Variants in JAZF1 observed in about 807,000 individuals in gnomAD.
JAZF1 encodes juxtaposed with another zinc finger protein 1.
Under a neutral mutation model 26.4 loss-of-function variants are expected in JAZF1, and 8 were observed. The ratio of observed to expected loss-of-function variants is 0.30; its 90% CI spans 0.18 to 0.55. The LOEUF is 0.55. JAZF1 is among the 20% of genes least tolerant of loss of function. The pLI is 0.94. For synonymous variants in JAZF1, 126 were observed against 122.3 expected, an observed-to-expected ratio of 1.03 and a Z score of -0.20; for missense variants, 199 against 322.0, an observed-to-expected ratio of 0.62 and a Z score of 2.92.
At chr7:27,945,046 C>T (rs1035495613) in intron 2 of JAZF1, among the ~76,000 whole-genome samples, 1 of 152,030 alleles carries the variant, frequency 6.6e-6, no homozygotes, top group Non-Finnish European at 1.5e-5. Flanking sequence ...TCACAAGACC[C>T]ACAGGAAAAC....
intron 1 of JAZF1, among the ~76,000 whole-genome samples, chr7:28,113,245 T>G (rs937041022): frequency 6.6e-6 from 1 of 152,206 alleles, no homozygotes; most frequent in Non-Finnish European, 1.5e-5. Context: ...GAGATGGAAA[T>G]GATCGCCAGC....
At chr7:27,985,410 T>A (rs1002681654) in intron 2 of JAZF1, among the ~76,000 whole-genome samples, 1 of 152,206 alleles carries the variant, frequency 6.6e-6, no homozygotes, top group African/African-American at 2.4e-5. Context: ...CAGGAAGAAG[T>A]TGAATCTGTG....
chr7:28,127,963 G>C (rs1352943500), intron 1 of JAZF1, among the ~76,000 whole-genome samples: 1 of 151,994 alleles, frequency 6.6e-6, no homozygotes, highest in African/African-American at 2.4e-5. Context: ...CAACACATGG[G>C]GATTATGGGA....
At chr7:28,113,235 G>T (rs928360524) in intron 1 of JAZF1, among the ~76,000 whole-genome samples, 3 of 152,162 alleles carry the variant, frequency 2.0e-5, no homozygotes, top group African/African-American at 7.2e-5. Context: ...ACAGTATTTA[G>T]AGATGGAAAT....
chr7:28,003,213 T>C (rs1413884740), intron 1 of JAZF1, among the ~76,000 whole-genome samples: 1 of 151,738 alleles, frequency 6.6e-6, no homozygotes, highest in Non-Finnish European at 1.5e-5. Context: ...CATTTTATTT[T>C]CTTGGATTTA....
At chr7:28,087,275 C>T (rs992187517) in intron 1 of JAZF1, among the ~76,000 whole-genome samples, 5 of 151,794 alleles carry the variant, frequency 3.3e-5, no homozygotes, top group African/African-American at 4.8e-5. Flanking sequence ...ATACATCAGC[C>T]AGAGCTATTC....
intron 1 of JAZF1, among the ~76,000 whole-genome samples, chr7:28,130,614 AT>A (rs1782778144): frequency 6.6e-6 from 1 of 152,154 alleles, no homozygotes; most frequent in Non-Finnish European, 1.5e-5. Flanking sequence ...CAGTTTCCTC[AT>A]CTGGAAAACA....
intron 1 of JAZF1, among the ~76,000 whole-genome samples, chr7:28,135,869 A>T (rs1339785767): frequency 1.3e-5 from 2 of 152,160 alleles, no homozygotes; most frequent in Non-Finnish European, 2.9e-5. Context: ...GTGGATGGAG[A>T]TTATCAACCA....
rs180676345 is a variant in JAZF1, at chr7:27,873,792, C to T, written c.385+21428G>A. Among the ~76,000 whole-genome samples, 4 of 152,284 alleles carry T rather than the reference C, an allele frequency of 2.6e-5. No individual in the cohort carries two copies. In the East Asian group the frequency reaches 5.8e-4, roughly 22 times the overall value. On this transcript the variant is annotated intron_variant, in intron 3 of 4. Transcript: ENST00000283928. ...CCTCCAGCACTCAGTGCTGGGTCTT[C>T]GAGGAACAGCCATTAGAGCCAGTTG...
chr7:28,132,470 C>A (rs1443466782), intron 1 of JAZF1, among the ~76,000 whole-genome samples: 1 of 152,126 alleles, frequency 6.6e-6, no homozygotes, highest in East Asian at 1.9e-4. Context: ...AAGGAGTCAA[C>A]TTCAAGGACA....
chr7:28,140,875 G>T (rs2127945523), intron 1 of JAZF1, among the ~76,000 whole-genome samples: 1 of 91,290 alleles, frequency 1.1e-5, no homozygotes, highest in Non-Finnish European at 2.1e-5. Context: ...CTGACTTCAA[G>T]AACTTTACAT....
chr7:27,920,883 C>G (rs1784518438), intron 2 of JAZF1, among the ~76,000 whole-genome samples: 1 of 152,178 alleles, frequency 6.6e-6, no homozygotes, highest in African/African-American at 2.4e-5. Context: ...ATGTAAAACA[C>G]AGCTGTAGTA....
intron 1 of JAZF1, among the ~76,000 whole-genome samples, chr7:28,021,181 T>G (rs952177838): frequency 5.9e-5 from 9 of 152,046 alleles, no homozygotes; most frequent in Non-Finnish European, 1.3e-4. Flanking sequence ...CCGAGAGAGT[T>G]CTTGCAGGAG....
chr7:28,114,826 A>G (rs997917071), intron 1 of JAZF1, among the ~76,000 whole-genome samples: 10 of 151,766 alleles, frequency 6.6e-5, no homozygotes, highest in Non-Finnish European at 1.0e-4. Flanking sequence ...CTCATCAAAA[A>G]AGGTGCCACG....
chr7:28,155,511 G>C (rs979701339), intron 1 of JAZF1, among the ~76,000 whole-genome samples: 2 of 152,158 alleles, frequency 1.3e-5, no homozygotes, highest in African/African-American at 4.8e-5. Context: ...TTTAGTTTTC[G>C]AGGCAAGAGG....
chr7:27,851,099 C>T (rs1006028988), intron 3 of JAZF1, among the ~76,000 whole-genome samples: 2 of 152,080 alleles, frequency 1.3e-5, no homozygotes, highest in East Asian at 1.9e-4. Flanking sequence ...CCGGCCACCA[C>T]GCCTGGCTAG....
At chr7:28,172,251 A>C (rs994417275) in intron 1 of JAZF1, among the ~76,000 whole-genome samples, 6 of 152,236 alleles carry the variant, frequency 3.9e-5, no homozygotes, top group African/African-American at 1.4e-4. Context: ...TTGACAATTC[A>C]GAAAAGTTAC....
intron 1 of JAZF1, among the ~76,000 whole-genome samples, chr7:28,168,842 A>G (rs2127953877): frequency 6.6e-6 from 1 of 152,360 alleles, no homozygotes; most frequent in East Asian, 1.9e-4. Flanking sequence ...CCAATGCTCG[A>G]TATTTCATTA....
chr7:27,998,099 CATG>C (rs1786059827), intron 1 of JAZF1, among the ~76,000 whole-genome samples: 1 of 151,700 alleles, frequency 6.6e-6, no homozygotes, highest in Non-Finnish European at 1.5e-5. Flanking sequence ...GGCAGGCAGA[CATG>C]AGCAAAGTAA....
Sources: allele counts gnomAD v4.1 joint callset (sites outside exome capture counted in the v4.1 genomes callset), GRCh38; gene constraint gnomAD v4.1.1; transcripts MANE v1.5; gene names NCBI Gene and HGNC (gene_info 2026-07-23, HGNC 2026-07-21).